The following DYNLT5 variants were observed in gnomAD, a reference collection of about 807,000 sequenced individuals.
The protein encoded by DYNLT5 is dynein light chain Tctex-type family member 5, also known as dynein light chain Tctex-type 5.
Under a neutral mutation model 19.3 loss-of-function variants are expected in DYNLT5, and 25 were observed. That is an observed-to-expected ratio of 1.30 (90% CI 0.95 to 1.81). The LOEUF (loss-of-function observed/expected upper bound fraction) is 1.81. Among genes scored for constraint, DYNLT5 ranks in the 40% most tolerant of loss-of-function variants. The probability of loss-of-function intolerance (pLI) is 0.00; values close to 1 mark genes in which losing one functional copy is unlikely to be tolerated. For synonymous variants in DYNLT5, 82 were observed against 68.9 expected (o/e 1.19, Z -0.94); for missense variants, 232 against 217.9 (o/e 1.06, Z -0.41).
intron 4 of DYNLT5, 26 bp downstream of exon 4, chr1:66,776,429 T>C (rs1391648947): frequency 5.1e-6 from 8 of 1,576,104 alleles, no homozygotes; most frequent in Non-Finnish European, 5.2e-6. Context: ...GCCCAAAGTG[T>C]TAACAATAGC....
intron 4 of DYNLT5, 93 bp from the exon 5 acceptor site, chr1:66,777,158 A>T: frequency 9.4e-7 from 1 of 1,064,284 alleles, no homozygotes; most frequent in Non-Finnish European, 1.4e-6. Flanking sequence ...GCATCATGCT[A>T]TTAAATTAAA....
At position 66,765,847 on chromosome 1, in the gene DYNLT5, G is replaced by A. The variant is rs1462189647; in HGVS notation, c.120-4540G>A. ...AATCAGAATGCATACTATTGGATTAGCATGGTGCATTTCCAGTGTCAGCCA... is the reference window on the plus strand; with the variant it reads ...AATCAGAATGCATACTATTGGATTAACATGGTGCATTTCCAGTGTCAGCCA... On this transcript the variant is annotated intron_variant, in intron 2 of 4. Coordinates refer to ENST00000282670, the MANE Select transcript of DYNLT5 (RefSeq NM_152665.3). 2.6e-5 allele frequency among the ~76,000 whole-genome samples: 4 copies of A among 152,230 alleles called. No individual in the cohort carries two copies. In the South Asian group the frequency reaches 6.2e-4, roughly 24 times the overall value.
chr1:66,772,459 C>T (rs2150867632), intron 3 of DYNLT5, among the ~76,000 whole-genome samples: 1 of 152,292 alleles, frequency 6.6e-6, no homozygotes, highest in South Asian at 2.1e-4. Context: ...CCTTCCTGGC[C>T]CCAACACCTC....
chr1:66,774,023 A>C (rs1265016126), intron 3 of DYNLT5, among the ~76,000 whole-genome samples: 1 of 152,242 alleles, frequency 6.6e-6, no homozygotes, highest in Non-Finnish European at 1.5e-5. Context: ...TTTTCAAAAC[A>C]GGATCTGGTT....
At chr1:66,769,295 TA>T (rs961639697) in intron 2 of DYNLT5, among the ~76,000 whole-genome samples, 14 of 152,328 alleles carry the variant, frequency 9.2e-5, no homozygotes, top group African/African-American at 3.4e-4. Context: ...GGGTAAACCC[TA>T]ATTTATCATG....
chr1:66,769,249 A>T (rs1438437117), intron 2 of DYNLT5, among the ~76,000 whole-genome samples: 1 of 152,214 alleles, frequency 6.6e-6, no homozygotes, highest in East Asian at 1.9e-4. Flanking sequence ...TGAAAAAAGC[A>T]GCCAGAATTT....
At chr1:66,766,220 T>A (rs1381135835) in intron 2 of DYNLT5, among the ~76,000 whole-genome samples, 1 of 152,198 alleles carries the variant, frequency 6.6e-6, no homozygotes, top group African/African-American at 2.4e-5. Flanking sequence ...TTTTTATATT[T>A]AAAAAATAAA....
At chr1:66,769,243 A>G (rs1645187540) in intron 2 of DYNLT5, among the ~76,000 whole-genome samples, 1 of 152,190 alleles carries the variant, frequency 6.6e-6, no homozygotes, top group Non-Finnish European at 1.5e-5. Flanking sequence ...CCACCATGAA[A>G]AAAGCAGCCA....
At chr1:66,768,516 T>A (rs1240258924) in intron 2 of DYNLT5, 2 of 152,218 alleles carry the variant, frequency 1.3e-5, no homozygotes, top group African/African-American at 4.8e-5. Flanking sequence ...ACCAGTGGGA[T>A]TTTTAAGCTG....
At chr1:66,776,656 A>G (rs1451763429) in intron 4 of DYNLT5, among the ~76,000 whole-genome samples, 1 of 152,034 alleles carries the variant, frequency 6.6e-6, no homozygotes, top group Non-Finnish European at 1.5e-5. Context: ...AAACTGCCCC[A>G]TTTATAAAAG....
intron 2 of DYNLT5, among the ~76,000 whole-genome samples, chr1:66,763,527 C>T (rs1256143921): frequency 6.6e-6 from 1 of 152,118 alleles, no homozygotes; most frequent in Non-Finnish European, 1.5e-5. Context: ...TTATTGTAGC[C>T]CCTTCATCAA....
intron 2 of DYNLT5, chr1:66,768,635 T>G (rs2150865591): frequency 6.6e-6 from 1 of 152,328 alleles, no homozygotes; most frequent in South Asian, 2.1e-4. Flanking sequence ...TATTTGCTTT[T>G]TTGTCTTGGA....
In DYNLT5 at chr1:66,778,118, T is replaced by C. The variant is rs1645247585; in HGVS notation, c.*664T>C. ...GAACCGAAAGTTGGCTCTTCAGTAA[T>C]GGAAACTATAAAGTGAATAAAGGCT... On this transcript the variant is annotated 3_prime_UTR_variant, in exon 5 of 5. Transcript: ENST00000282670. 1 of 152,616 alleles carries C rather than the reference T, an allele frequency of 6.6e-6. No homozygotes were observed. The highest frequency in any genetic ancestry group is 1.5e-5 in the Non-Finnish European group (1 of 68,042). The allele number at this position is 152,616 out of a possible 1,614,324, so 9.5% of individuals were successfully genotyped here.
At chr1:66,772,712 A>G (rs1812444) in intron 3 of DYNLT5, among the ~76,000 whole-genome samples, 29,552 of 152,160 alleles carry the variant, frequency 0.19, 3,226 homozygotes, top group African/African-American at 0.3. Context: ...GAGCATTTAC[A>G]TAAATAATTA....
chr1:66,772,837 A>G (rs1645211670), intron 3 of DYNLT5, among the ~76,000 whole-genome samples: 1 of 152,230 alleles, frequency 6.6e-6, no homozygotes. Context: ...CTCATTAATT[A>G]CTAAAACAAA....
At chr1:66,761,737 C>T (rs188796684) in intron 2 of DYNLT5, among the ~76,000 whole-genome samples, 334 of 152,130 alleles carry the variant, frequency 2.2e-3, no homozygotes, top group Non-Finnish European at 3.5e-3. Flanking sequence ...TTGATCATAC[C>T]ACTATACTCC....
chr1:66,759,732 T>A (rs2094642586), intron 2 of DYNLT5, among the ~76,000 whole-genome samples: 1 of 152,220 alleles, frequency 6.6e-6, no homozygotes, highest in African/African-American at 2.4e-5. Context: ...ATACCAAATG[T>A]TGGCAAGGCA....
At chr1:66,762,623 T>G (rs960079108) in intron 2 of DYNLT5, among the ~76,000 whole-genome samples, 2 of 152,194 alleles carry the variant, frequency 1.3e-5, no homozygotes, top group Non-Finnish European at 1.5e-5. Context: ...CCTTTTCAAC[T>G]TACTTTGCCC....
chr1:66,758,534 G>A (rs143504930), intron 2 of DYNLT5, among the ~76,000 whole-genome samples: 254 of 152,266 alleles, frequency 1.7e-3, no homozygotes, highest in African/African-American at 5.5e-3. Context: ...GGATCCCACA[G>A]CTCCCCGTGT....
Sources: gnomAD v4.1 joint callset for allele counts (sites outside exome capture counted in the v4.1 genomes callset) on GRCh38, gnomAD v4.1.1 for gene constraint, MANE v1.5 for transcripts, NCBI Gene and HGNC (gene_info 2026-07-23, HGNC 2026-07-21) for gene names.